Variants in WWOX observed in about 807,000 individuals in gnomAD.
The protein encoded by WWOX is WW domain containing oxidoreductase.
A neutral mutation model predicts 46.2 loss-of-function variants in WWOX; 69 were observed. The ratio of observed to expected loss-of-function variants is 1.49; its 90% confidence interval spans 1.23 to 1.82. The LOEUF (loss-of-function observed/expected upper bound fraction) is 1.82. Ranked by LOEUF, WWOX falls within the 40% of genes most tolerant of loss-of-function variation. The pLI, the probability that WWOX is intolerant of heterozygous loss-of-function variation, is 0.00. For synonymous variants in WWOX, 359 were observed against 202.6 expected (o/e 1.77, Z -6.56); for missense variants, 919 against 542.6 (o/e 1.69, Z -6.89).
chr16:78,357,732 T>G (rs1396063203), intron 5 of WWOX, among the ~76,000 whole-genome samples: 1 of 152,216 alleles, frequency 6.6e-6, no homozygotes, highest in African/African-American at 2.4e-5. Flanking sequence ...CAGTGCTGGG[T>G]GCTACATATT....
chr16:78,512,528 G>T (rs372905878), intron 8 of WWOX, among the ~76,000 whole-genome samples: 2 of 152,248 alleles, frequency 1.3e-5, no homozygotes, highest in South Asian at 4.2e-4. Flanking sequence ...TTGAATGCAT[G>T]ATTAGAAATG....
At chr16:78,399,936 C>T (rs566361288) in intron 6 of WWOX, among the ~76,000 whole-genome samples, 23 of 152,284 alleles carry the variant, frequency 1.5e-4, no homozygotes, top group African/African-American at 3.9e-4. Context: ...AATAAATCAG[C>T]GGTGCTACAC....
intron 8 of WWOX, among the ~76,000 whole-genome samples, chr16:78,972,579 A>G (rs1862421025): frequency 1.3e-5 from 2 of 152,020 alleles, no homozygotes; most frequent in South Asian, 4.1e-4. Flanking sequence ...GCAGGTGTGT[A>G]AATGTTCCAT....
At chr16:78,840,506 G>C (rs1319068974) in intron 8 of WWOX, among the ~76,000 whole-genome samples, 3 of 152,150 alleles carry the variant, frequency 2.0e-5, no homozygotes, top group Non-Finnish European at 4.4e-5. Context: ...ATTATGTAGT[G>C]TCTACAGAGC....
At chr16:78,815,209 C>T (rs2051298131) in intron 8 of WWOX, among the ~76,000 whole-genome samples, 1 of 151,952 alleles carries the variant, frequency 6.6e-6, no homozygotes, top group African/African-American at 2.4e-5. Flanking sequence ...CCTGTAATCC[C>T]AGCTACTTGG....
At chr16:78,188,082 A>C (rs1382619777) in intron 5 of WWOX, among the ~76,000 whole-genome samples, 3 of 152,204 alleles carry the variant, frequency 2.0e-5, no homozygotes, top group Admixed American at 2.0e-4. Context: ...GGTACTTGCT[A>C]TAGTTTTCTA....
At position 78,397,213 on chromosome 16, in the gene WWOX, G is replaced by A. The variant is rs573925084; in HGVS notation, c.605+10265G>A. 6.6e-5 allele frequency among the ~76,000 whole-genome samples: 10 copies of A among 150,870 alleles called. No individual in the cohort carries two copies. In the South Asian group the frequency reaches 1.7e-3, roughly 25 times the overall value. On this transcript the variant is annotated intron_variant, in intron 6 of 8. Coordinates refer to ENST00000566780, the MANE Select transcript of WWOX (RefSeq NM_016373.4). ...GAAATATTACCATATAGGGAAGCAG[G>A]TCAATAAGACAACTAAGTGCTGTTT...
intron 8 of WWOX, among the ~76,000 whole-genome samples, chr16:78,527,503 A>T (rs1000477808): frequency 1.3e-5 from 2 of 152,142 alleles, no homozygotes; most frequent in Non-Finnish European, 2.9e-5. Context: ...CATGTTGGCC[A>T]GGCTGGTCTT....
intron 8 of WWOX, among the ~76,000 whole-genome samples, chr16:78,950,290 G>T (rs536188706): frequency 6.6e-6 from 1 of 152,038 alleles, no homozygotes; most frequent in Non-Finnish European, 1.5e-5. Context: ...GGAGTGGGGC[G>T]GTATTAGTCA....
chr16:78,777,751 G>C (rs1056924464), intron 8 of WWOX, among the ~76,000 whole-genome samples: 3 of 152,116 alleles, frequency 2.0e-5, no homozygotes, highest in African/African-American at 4.8e-5. Flanking sequence ...ACTTTGCATA[G>C]AAACTCACAT....
At chr16:79,126,428 G>T (rs948671188) in intron 8 of WWOX, among the ~76,000 whole-genome samples, 2 of 152,130 alleles carry the variant, frequency 1.3e-5, no homozygotes, top group African/African-American at 4.8e-5. Flanking sequence ...TCCCCATGCT[G>T]TTCTCATGCT....
intron 5 of WWOX, among the ~76,000 whole-genome samples, chr16:78,174,208 GCTGGGGAGGCTT>G (rs1170781985): frequency 3.9e-5 from 6 of 152,186 alleles, no homozygotes; most frequent in Non-Finnish European, 5.9e-5. Flanking sequence ...GTTCCACATG[GCTGGGGAGGCTT>G]CAGAATCATG....
At chr16:78,706,000 T>G (rs1032858192) in intron 8 of WWOX, among the ~76,000 whole-genome samples, 2 of 150,572 alleles carry the variant, frequency 1.3e-5, no homozygotes, top group Non-Finnish European at 3.0e-5. Context: ...AGGTGTGTAT[T>G]CTCAAGAAGC....
chr16:78,537,888 G>A (rs1426676576), intron 8 of WWOX, among the ~76,000 whole-genome samples: 2 of 152,172 alleles, frequency 1.3e-5, no homozygotes, highest in Non-Finnish European at 2.9e-5. Flanking sequence ...TCTCCGGAAG[G>A]TTGTCCGCGG....
chr16:78,773,416 G>C (rs1393141659), intron 8 of WWOX, among the ~76,000 whole-genome samples: 1 of 152,218 alleles, frequency 6.6e-6, no homozygotes, highest in Non-Finnish European at 1.5e-5. Flanking sequence ...ATTGGCTGCA[G>C]AGCGCAGACA....
At chr16:79,198,447 G>A (rs2051283793) in intron 8 of WWOX, among the ~76,000 whole-genome samples, 1 of 152,190 alleles carries the variant, frequency 6.6e-6, no homozygotes, top group African/African-American at 2.4e-5. Context: ...TCTGCTCACT[G>A]GTTTGAGTTA....
chr16:78,777,453 C>T (rs935046918), intron 8 of WWOX, among the ~76,000 whole-genome samples: 10 of 152,032 alleles, frequency 6.6e-5, no homozygotes, highest in Non-Finnish European at 1.2e-4. Flanking sequence ...TAGTGGCTGT[C>T]GTATTGGAAA....
chr16:78,779,812 C>G (rs777753140), intron 8 of WWOX, among the ~76,000 whole-genome samples: 115 of 152,232 alleles, frequency 7.6e-4, no homozygotes, highest in Non-Finnish European at 8.1e-4. Flanking sequence ...TCTGTACCCT[C>G]TCTGGCCCCA....
intron 8 of WWOX, among the ~76,000 whole-genome samples, chr16:79,075,561 TTC>T (rs2048639797): frequency 6.6e-6 from 1 of 152,074 alleles, no homozygotes; most frequent in Non-Finnish European, 1.5e-5. Flanking sequence ...CTTTTTTTTT[TTC>T]TTTTGTTTAG....
Sources: allele counts gnomAD v4.1 joint callset (sites outside exome capture counted in the v4.1 genomes callset), GRCh38; gene constraint gnomAD v4.1.1; transcripts MANE v1.5; gene names NCBI Gene and HGNC (gene_info 2026-07-23, HGNC 2026-07-21).